Variants in KLHL1 observed in about 807,000 individuals in gnomAD.
KLHL1 encodes kelch-like protein 1.
KLHL1 carries 47 observed loss-of-function variants against 77.7 expected under a neutral mutation model. The ratio of observed to expected loss-of-function variants is 0.60; its 90% CI spans 0.48 to 0.77. KLHL1 has a LOEUF of 0.77. KLHL1 is among the 30% of genes least tolerant of loss of function. The pLI, the probability that KLHL1 is intolerant of heterozygous loss-of-function variation, is 0.00. For synonymous variants in KLHL1, 360 were observed against 325.2 expected, an observed-to-expected ratio of 1.11 and a Z score of -1.15; for missense variants, 925 against 910.8, an observed-to-expected ratio of 1.02 and a Z score of -0.20.
At chr13:70,062,979 A>T (rs1397941556) in intron 1 of KLHL1, among the ~76,000 whole-genome samples, 2 of 152,230 alleles carry the variant, frequency 1.3e-5, no homozygotes, top group South Asian at 4.1e-4. Flanking sequence ...TTTCTCATCT[A>T]AAGTTCCTTT....
chr13:70,006,053 C>G (rs895664686), intron 1 of KLHL1, among the ~76,000 whole-genome samples: 2 of 151,956 alleles, frequency 1.3e-5, no homozygotes, highest in African/African-American at 2.4e-5. Flanking sequence ...CCATTTCATT[C>G]TTCGCTATTA....
intron 6 of KLHL1, among the ~76,000 whole-genome samples, chr13:69,822,316 A>G (rs1449564116): frequency 6.6e-6 from 1 of 152,208 alleles, no homozygotes; most frequent in African/African-American, 2.4e-5. Flanking sequence ...CAAGAAACAT[A>G]TAAGGAGCAG....
chr13:70,010,845 T>A (rs974029390), intron 1 of KLHL1, among the ~76,000 whole-genome samples: 2 of 151,664 alleles, frequency 1.3e-5, no homozygotes, highest in Admixed American at 1.3e-4. Flanking sequence ...TGAGCCAAGA[T>A]TGCGCCATTG....
intron 7 of KLHL1, among the ~76,000 whole-genome samples, chr13:69,757,530 G>T (rs564401224): frequency 1.1e-4 from 17 of 152,300 alleles, no homozygotes; most frequent in Middle Eastern, 6.8e-3. Context: ...TATTTTGGAT[G>T]CTTCAGTGGC....
chr13:69,918,082 T>C (rs1205595753), intron 4 of KLHL1, among the ~76,000 whole-genome samples: 1 of 152,126 alleles, frequency 6.6e-6, no homozygotes, highest in Non-Finnish European at 1.5e-5. Flanking sequence ...ATAATAAATG[T>C]GGTATTTCAC....
chr13:70,012,260 T>C (rs990373072), intron 1 of KLHL1, among the ~76,000 whole-genome samples: 1 of 152,188 alleles, frequency 6.6e-6, no homozygotes, highest in Non-Finnish European at 1.5e-5. Context: ...TTTCAGTTTA[T>C]ATTTTTATTT....
intron 1 of KLHL1, among the ~76,000 whole-genome samples, chr13:70,077,608 A>C (rs1383442617): frequency 6.6e-6 from 1 of 152,026 alleles, no homozygotes; most frequent in East Asian, 1.9e-4. Flanking sequence ...ACAATGTATC[A>C]ATATGGTTTC....
chr13:70,014,491 G>A (rs1885609619), intron 1 of KLHL1, among the ~76,000 whole-genome samples: 1 of 152,018 alleles, frequency 6.6e-6, no homozygotes, highest in African/African-American at 2.4e-5. Flanking sequence ...AAGTAGAGGG[G>A]AAAGAATATA....
intron 1 of KLHL1, among the ~76,000 whole-genome samples, chr13:70,041,154 A>G (rs568291678): frequency 3.9e-5 from 6 of 152,210 alleles, no homozygotes; most frequent in South Asian, 4.1e-4. Flanking sequence ...TGTAGTAGAC[A>G]TGTTTATCAT....
At chr13:69,744,542 A>G (rs1021945350) in intron 7 of KLHL1, among the ~76,000 whole-genome samples, 2 of 150,940 alleles carry the variant, frequency 1.3e-5, no homozygotes, top group Admixed American at 6.6e-5. Flanking sequence ...ATTACATTGT[A>G]TATGTAATGT....
intron 1 of KLHL1, among the ~76,000 whole-genome samples, chr13:70,091,037 T>A (rs2137441911): frequency 6.6e-6 from 1 of 152,178 alleles, no homozygotes; most frequent in East Asian, 1.9e-4. Context: ...TCTATCTTAT[T>A]CTCTGATCCA....
At chr13:69,781,967 T>G (rs902761582) in intron 7 of KLHL1, among the ~76,000 whole-genome samples, 1 of 152,228 alleles carries the variant, frequency 6.6e-6, no homozygotes, top group Admixed American at 6.5e-5. Flanking sequence ...TCTAAAACTT[T>G]TATTCAATAC....
chr13:70,035,246 T>C (rs542650711), intron 1 of KLHL1, among the ~76,000 whole-genome samples: 1 of 152,240 alleles, frequency 6.6e-6, no homozygotes, highest in Admixed American at 6.5e-5. Flanking sequence ...TGGAGTACTA[T>C]TCAGCCATAA....
chr13:69,802,571 G>A (rs2138048451), intron 6 of KLHL1, among the ~76,000 whole-genome samples: 1 of 152,194 alleles, frequency 6.6e-6, no homozygotes, highest in Admixed American at 6.5e-5. Context: ...ATCGACCCCT[G>A]ACCTAATCAG....
intron 3 of KLHL1, among the ~76,000 whole-genome samples, chr13:69,959,533 C>T (rs1037839200): frequency 2.0e-5 from 3 of 149,298 alleles, no homozygotes; most frequent in African/African-American, 4.9e-5. Flanking sequence ...TCTATGCTCA[C>T]CCCTCTTTTT....
chr13:69,812,548 G>T (rs1005569744), intron 6 of KLHL1, among the ~76,000 whole-genome samples: 2 of 152,050 alleles, frequency 1.3e-5, no homozygotes, highest in African/African-American at 4.8e-5. Context: ...CCTACAGAAT[G>T]GGAGAAAATG....
rs537716946 is a variant in KLHL1 at position 70,100,064 on chromosome 13, A to G, written c.497+7139T>C. On this transcript the variant is annotated intron_variant, in intron 1 of 10. Transcript: ENST00000377844. ...GTAAATTTTTAGAATAAACTCATCA[A>G]TTTGTAACAAAAAAGCATGCAAAGA... Among the ~76,000 whole-genome samples, 172 of 152,072 alleles carry G rather than the reference A, an allele frequency of 1.1e-3. 3 individuals carry two copies. The South Asian group carries it at 0.021, about 19-fold the overall frequency.
chr13:69,864,138 C>T (rs7983833), intron 5 of KLHL1, among the ~76,000 whole-genome samples: 48,215 of 151,494 alleles, frequency 0.32, 8,170 homozygotes, highest in African/African-American at 0.45. Context: ...TCTCTTACTC[C>T]GGGGACTTTT....
At chr13:69,842,933 G>T (rs1201362458) in intron 5 of KLHL1, among the ~76,000 whole-genome samples, 1 of 151,582 alleles carries the variant, frequency 6.6e-6, no homozygotes, top group Non-Finnish European at 1.5e-5. Context: ...AATAAGCCAG[G>T]CACTAAAAGA....
Sources: gnomAD v4.1 joint callset for allele counts (sites outside exome capture counted in the v4.1 genomes callset) on GRCh38, gnomAD v4.1.1 for gene constraint, MANE v1.5 for transcripts, NCBI Gene and HGNC (gene_info 2026-07-23, HGNC 2026-07-21) for gene names.